The following TRDN variants were observed in gnomAD, a reference collection of about 807,000 sequenced individuals.
The protein encoded by TRDN is triadin, also known as triadin in skeletal muscle.
In TRDN, 161 loss-of-function variants were observed where a neutral mutation model predicts 149.7. The observed-to-expected ratio is 1.08, with a 90% CI of 0.95 to 1.23. The LOEUF (loss-of-function observed/expected upper bound fraction) is 1.23, where lower values mean the gene tolerates loss of function less well. Among genes scored for constraint, TRDN ranks in the 50% most tolerant of loss-of-function variants. The probability of loss-of-function intolerance (pLI) is 0.00; values close to 1 mark genes in which losing one functional copy is unlikely to be tolerated. For synonymous variants in TRDN, 294 were observed against 250.5 expected (o/e 1.17, Z -1.64); for missense variants, 896 against 823.5 (o/e 1.09, Z -1.08).
At chr6:123,228,272 T>C (rs1775463890) in intron 38 of TRDN, among the ~76,000 whole-genome samples, 2 of 151,980 alleles carry the variant, frequency 1.3e-5, no homozygotes, top group African/African-American at 2.4e-5. Context: ...TTTTTAAGAC[T>C]ATGGCATTCT....
chr6:123,547,398 AAGTT>A, intron 3 of TRDN, 26 bp from the exon 4 acceptor site: 1 of 1,351,610 alleles, frequency 7.4e-7, no homozygotes, highest in Non-Finnish European at 9.8e-7. Flanking sequence ...AAGAAAAACA[AAGTT>A]AGAAAATATT....
intron 4 of TRDN, among the ~76,000 whole-genome samples, chr6:123,544,879 A>G (rs1468320691): frequency 1.3e-5 from 2 of 152,004 alleles, no homozygotes; most frequent in Non-Finnish European, 2.9e-5. Context: ...TATTTCATCC[A>G]TATTAATAAT....
At chr6:123,266,011 TAAGTA>T (rs1257649126) in intron 32 of TRDN, among the ~76,000 whole-genome samples, 1 of 143,746 alleles carries the variant, frequency 7.0e-6, no homozygotes, top group Non-Finnish European at 1.5e-5. Context: ...CATCTAAAAT[TAAGTA>T]AAATAACTAA....
intron 1 of TRDN, among the ~76,000 whole-genome samples, chr6:123,625,710 TC>T (rs1785628446): frequency 6.6e-6 from 1 of 152,134 alleles, no homozygotes; most frequent in Admixed American, 6.6e-5. Context: ...ATTTCATGCA[TC>T]CCATAAATAT....
At chr6:123,586,963 G>T (rs1783524133) in intron 1 of TRDN, among the ~76,000 whole-genome samples, 1 of 151,982 alleles carries the variant, frequency 6.6e-6, no homozygotes, top group African/African-American at 2.4e-5. Context: ...ATAAGAGGTT[G>T]GGGCACGGAA....
chr6:123,402,275 C>T (rs1773011018), intron 12 of TRDN, among the ~76,000 whole-genome samples: 1 of 152,152 alleles, frequency 6.6e-6, no homozygotes, highest in African/African-American at 2.4e-5. Context: ...AGCTGAGCTT[C>T]AGCCAGTCAC....
chr6:123,426,114 C>T (rs377402835), intron 12 of TRDN, among the ~76,000 whole-genome samples: 2 of 152,148 alleles, frequency 1.3e-5, no homozygotes, highest in East Asian at 3.9e-4. Flanking sequence ...CACTGTATTG[C>T]ATTGTCTTCT....
At chr6:123,283,677 C>T (rs1391804220) in intron 24 of TRDN, among the ~76,000 whole-genome samples, 3 of 151,202 alleles carry the variant, frequency 2.0e-5, no homozygotes, top group Non-Finnish European at 4.4e-5. Flanking sequence ...AACACCTTTA[C>T]ACACACAAGC....
In TRDN at chr6:123,335,931, G is replaced by T. The variant is rs567548883; in HGVS notation, c.1420+1688C>A. On this transcript the variant is annotated intron_variant, in intron 22 of 40. Transcript: ENST00000334268. ...CAATTTTGATTTTCACAAAATCAAGGACGCTGTTTTTATTGACTTTCATAT... is the reference window on the plus strand; with the variant it reads ...CAATTTTGATTTTCACAAAATCAAGTACGCTGTTTTTATTGACTTTCATAT... Among the ~76,000 whole-genome samples the T allele has an allele frequency of 2.6e-5, 4 of 152,062 alleles. No individual in the cohort carries two copies. In the South Asian group the frequency reaches 8.3e-4, roughly 32 times the overall value.
At chr6:123,412,787 A>T (rs532037229) in intron 12 of TRDN, among the ~76,000 whole-genome samples, 34 of 152,262 alleles carry the variant, frequency 2.2e-4, no homozygotes, top group Non-Finnish European at 2.9e-4. Context: ...ATCAATTTTT[A>T]AAAAAATTCT....
At chr6:123,403,806 T>A (rs1206424252) in intron 12 of TRDN, among the ~76,000 whole-genome samples, 1 of 151,044 alleles carries the variant, frequency 6.6e-6, no homozygotes. Flanking sequence ...GTTTTGCGAA[T>A]CAAAATCAGA....
intron 33 of TRDN, among the ~76,000 whole-genome samples, chr6:123,263,256 G>C (rs1426594487): frequency 1.3e-5 from 2 of 152,032 alleles, no homozygotes; most frequent in Admixed American, 1.3e-4. Flanking sequence ...CAGCTACAAC[G>C]TTCCCTAAGC....
intron 12 of TRDN, among the ~76,000 whole-genome samples, chr6:123,414,710 G>T (rs1292477049): frequency 6.6e-6 from 1 of 152,060 alleles, no homozygotes; most frequent in Non-Finnish European, 1.5e-5. Context: ...TGCAAATTTA[G>T]TGATTCGCAT....
At chr6:123,309,670 C>T (rs1013049747) in intron 24 of TRDN, among the ~76,000 whole-genome samples, 1 of 151,746 alleles carries the variant, frequency 6.6e-6, no homozygotes, top group Non-Finnish European at 1.5e-5. Context: ...TTCACCTATA[C>T]ATAGTTTTTT....
intron 24 of TRDN, among the ~76,000 whole-genome samples, chr6:123,295,038 C>G (rs557647241): frequency 1.0e-3 from 157 of 152,182 alleles, no homozygotes; most frequent in African/African-American, 3.7e-3. Flanking sequence ...AGGAAGGAGG[C>G]AGGACTTGAC....
intron 5 of TRDN, among the ~76,000 whole-genome samples, chr6:123,522,123 T>G (rs1215791746): frequency 6.6e-6 from 1 of 152,150 alleles, no homozygotes; most frequent in African/African-American, 2.4e-5. Flanking sequence ...CCAGTATACA[T>G]TTCTGTTAAG....
chr6:123,501,685 G>A (rs1778706164), intron 8 of TRDN: 1 of 293,054 alleles, frequency 3.4e-6, no homozygotes, highest in Non-Finnish European at 5.1e-6. Context: ...TCTCAATACT[G>A]AGACTTGCTT....
intron 24 of TRDN, among the ~76,000 whole-genome samples, chr6:123,297,956 C>A (rs909462497): frequency 6.6e-6 from 1 of 152,004 alleles, no homozygotes; most frequent in Non-Finnish European, 1.5e-5. Flanking sequence ...CTCTTCCAAC[C>A]AGAAGGTTAG....
chr6:123,356,520 T>TATATACATATATATATAC, intron 20 of TRDN, among the ~76,000 whole-genome samples: 2 of 25,700 alleles, frequency 7.8e-5, no homozygotes, highest in African/African-American at 2.1e-4. Context: ...TATATATATA[T>TATATACATATATATATAC]ATATATATAT....
Sources: allele counts gnomAD v4.1 joint callset (sites outside exome capture counted in the v4.1 genomes callset), GRCh38; gene constraint gnomAD v4.1.1; transcripts MANE v1.5; gene names NCBI Gene and HGNC (gene_info 2026-07-23, HGNC 2026-07-21).